CYP3A43: variants seen among roughly 807,000 people sequenced by gnomAD.
CYP3A43 encodes cytochrome P450 family 3 subfamily A member 43, also known as cytochrome P450 3A43.
CYP3A43 carries 45 observed loss-of-function variants against 58.0 expected under a neutral mutation model. The observed-to-expected ratio is 0.78, with a 90% CI of 0.61 to 0.99. The LOEUF is 0.99. Ranked by LOEUF, CYP3A43 falls within the 50% of genes least tolerant of loss-of-function variation. The probability of loss-of-function intolerance (pLI) is 0.00; values close to 1 mark genes in which losing one functional copy is unlikely to be tolerated. For synonymous variants in CYP3A43, 191 were observed against 201.4 expected (o/e 0.95, Z 0.44); for missense variants, 593 against 591.9 (o/e 1.00, Z -0.02).
At chr7:99,851,345 T>C (rs1036831268) in intron 7 of CYP3A43, among the ~76,000 whole-genome samples, 10 of 152,224 alleles carry the variant, frequency 6.6e-5, no homozygotes, top group African/African-American at 2.4e-4. Context: ...AGGCGTTTTA[T>C]AGTAGTAATT....
At chr7:99,856,952 C>T (rs1489242992) in intron 9 of CYP3A43, 53 bp downstream of exon 9, 7 of 1,552,250 alleles carry the variant, frequency 4.5e-6, no homozygotes, top group African/African-American at 2.8e-5. Context: ...AGAGAGAAGG[C>T]CCTGTTCTGA....
intron 2 of CYP3A43, among the ~76,000 whole-genome samples, chr7:99,837,905 T>C (rs1441988169): frequency 6.6e-6 from 1 of 152,234 alleles, no homozygotes; most frequent in Non-Finnish European, 1.5e-5. Flanking sequence ...TTTTCTGTCT[T>C]ACAGACCTGA....
intron 4 of CYP3A43, among the ~76,000 whole-genome samples, chr7:99,846,258 T>C (rs1817539695): frequency 6.6e-6 from 1 of 152,224 alleles, no homozygotes; most frequent in Non-Finnish European, 1.5e-5. Context: ...GGTTTTCTTT[T>C]AGTCCTTTCA....
chr7:99,838,806 C>T (rs975062141), intron 2 of CYP3A43: 1 of 562,986 alleles, frequency 1.8e-6, no homozygotes, highest in Non-Finnish European at 2.8e-6. Flanking sequence ...ATGGTGAAAC[C>T]CTATTTCTAC....
At chr7:99,835,148 A>G (rs1817019773) in intron 1 of CYP3A43, among the ~76,000 whole-genome samples, 1 of 152,216 alleles carries the variant, frequency 6.6e-6, no homozygotes, top group African/African-American at 2.4e-5. Context: ...TCAACTCTTA[A>G]TAGTGCTGTC....
At chr7:99,839,215 G>A in intron 3 of CYP3A43, 43 bp downstream of exon 3, 1 of 1,609,616 alleles carries the variant, frequency 6.2e-7, no homozygotes, top group Non-Finnish European at 8.5e-7. Flanking sequence ...CTGTTGCTAT[G>A]CTGAGTTATT....
intron 2 of CYP3A43, among the ~76,000 whole-genome samples, chr7:99,838,129 G>A (rs1817168574): frequency 6.6e-6 from 1 of 152,200 alleles, no homozygotes; most frequent in African/African-American, 2.4e-5. Flanking sequence ...TTGTTTTTAA[G>A]TGTCAGAAGT....
intron 1 of CYP3A43, among the ~76,000 whole-genome samples, chr7:99,833,043 G>A (rs1177393286): frequency 2.0e-5 from 3 of 152,176 alleles, no homozygotes; most frequent in Non-Finnish European, 4.4e-5. Flanking sequence ...CCTCTTAAGG[G>A]CACTCAAATT....
intron 7 of CYP3A43, chr7:99,849,989 G>A (rs573180199): frequency 4.9e-5 from 20 of 409,352 alleles, no homozygotes; most frequent in Admixed American, 2.5e-4. Context: ...ACAGAGTCTC[G>A]CTGTGTTGCC....
At position 99,863,632 on chromosome 7, in the gene CYP3A43, C is replaced by G; in HGVS notation, c.1349C>G (p.Thr450Arg). 8 of 1,613,992 alleles carry G rather than the reference C, an allele frequency of 5.0e-6. No individual in the cohort carries two copies. The highest frequency in any genetic ancestry group is 4.2e-6 in the Non-Finnish European group (5 of 1,179,946). The change falls in exon 12 of 13, where the codon ACA (threonine) becomes AGA (arginine). Residue 450 changes from threonine (T) to arginine (R), a missense_variant. Physicochemically the swap from Thr to Arg is moderately conservative, Grantham distance 71. Transcript: ENST00000354829. ...TGCATTGGCATGAGGTTTGCTCTCA[C>G]AAACATAAAACTTGCTGTCATTAGA... ...RNCIGMRFAL[T>R]NIKLAVIRAL...
At chr7:99,853,243 A>G (rs1817831586) in intron 7 of CYP3A43, among the ~76,000 whole-genome samples, 1 of 152,160 alleles carries the variant, frequency 6.6e-6, no homozygotes, top group South Asian at 2.1e-4. Context: ...CTTTGTGGGT[A>G]GTTTTGATTA....
intron 3 of CYP3A43, 100 bp downstream of exon 3, chr7:99,839,272 C>A: frequency 7.2e-7 from 1 of 1,388,688 alleles, no homozygotes; most frequent in Non-Finnish European, 1.0e-6. Context: ...TTGGATAATG[C>A]TATTGTCAAC....
chr7:99,836,056 G>A (rs1358973126), intron 1 of CYP3A43, among the ~76,000 whole-genome samples: 5 of 152,128 alleles, frequency 3.3e-5, no homozygotes, highest in South Asian at 2.1e-4. Context: ...AAGATCAGCC[G>A]AAATCAATTA....
chr7:99,840,327 G>T (rs1817281913), intron 3 of CYP3A43, among the ~76,000 whole-genome samples: 1 of 152,118 alleles, frequency 6.6e-6, no homozygotes, highest in South Asian at 2.1e-4. Flanking sequence ...AACCAGCCCT[G>T]TCATTGAGTT....
At chr7:99,833,735 G>T (rs570955739) in intron 1 of CYP3A43, among the ~76,000 whole-genome samples, 1 of 152,146 alleles carries the variant, frequency 6.6e-6, no homozygotes. Context: ...ACCTCCTCGC[G>T]GAGCTGAGCT....
At position 99,834,562 on chromosome 7, in the gene CYP3A43, G is replaced by A. The variant is rs534966925; in HGVS notation, c.72-1891G>A. 7.9e-5 allele frequency among the ~76,000 whole-genome samples: 12 copies of A among 152,308 alleles called. No homozygotes were observed. The South Asian group carries it at 2.5e-3, about 32-fold the overall frequency. On this transcript the variant is annotated intron_variant, in intron 1 of 12. Transcript: ENST00000354829. ...GCCTGTGCTCCACAGGTCCAATATA[G>A]GCCAGAGGGTGCTTTCTAAGCATTT... is the stretch of plus-strand genomic sequence containing the variant.
intron 11 of CYP3A43, 113 bp from the exon 12 acceptor site, chr7:99,863,424 T>C (rs1818319027): frequency 2.7e-6 from 2 of 754,658 alleles, no homozygotes; most frequent in African/African-American, 1.8e-5. Flanking sequence ...CCCAACACTT[T>C]GGGAGGCCAA....
chr7:99,839,797 G>T (rs1817261386), intron 3 of CYP3A43, among the ~76,000 whole-genome samples: 1 of 152,170 alleles, frequency 6.6e-6, no homozygotes, highest in Admixed American at 6.5e-5. Context: ...TTTACATAGG[G>T]CATGAAAGAT....
intron 11 of CYP3A43, 28 bp from the exon 12 acceptor site, chr7:99,863,509 T>C: frequency 6.4e-7 from 1 of 1,551,514 alleles, no homozygotes; most frequent in Non-Finnish European, 8.7e-7. Context: ...TTTCATTAAC[T>C]AGTTTTTATG....
Sources: allele counts gnomAD v4.1 joint callset (sites outside exome capture counted in the v4.1 genomes callset), GRCh38; gene constraint gnomAD v4.1.1; transcripts MANE v1.5; gene names NCBI Gene and HGNC (gene_info 2026-07-23, HGNC 2026-07-21).